Variants in PCDHGB5 observed in about 807,000 individuals in gnomAD.
PCDHGB5 encodes the protein protocadherin gamma subfamily B, 5, also known as protocadherin gamma-B5.
A neutral mutation model predicts 62.9 loss-of-function variants in PCDHGB5; 48 were observed. The observed-to-expected ratio is 0.76, with a 90% CI of 0.61 to 0.97. The LOEUF is 0.97. PCDHGB5 is among the 50% of genes least tolerant of loss of function. The pLI, the probability that PCDHGB5 is intolerant of heterozygous loss-of-function variation, is 0.00. For synonymous variants in PCDHGB5, 474 were observed against 511.2 expected (o/e 0.93, Z 0.98); for missense variants, 1,118 against 1,198.6 (o/e 0.93, Z 0.99).
intron 1 of PCDHGB5, among the ~76,000 whole-genome samples, chr5:141,455,408 G>A (rs1024760282): frequency 6.6e-6 from 1 of 152,150 alleles, no homozygotes; most frequent in Non-Finnish European, 1.5e-5. Context: ...TACAGAGACA[G>A]AGGGAGCGGG....
intron 2 of PCDHGB5, among the ~76,000 whole-genome samples, chr5:141,503,682 G>A (rs1430771639): frequency 1.3e-5 from 2 of 151,974 alleles, no homozygotes; most frequent in South Asian, 4.1e-4. Flanking sequence ...CTTTTGGGAA[G>A]GAGAATTGAG....
At chr5:141,419,472 G>T in intron 1 of PCDHGB5, 1 of 1,612,328 alleles carries the variant, frequency 6.2e-7, no homozygotes, top group South Asian at 1.1e-5. Flanking sequence ...CGCGACCAGG[G>T]CTCGCCCGCG....
chr5:141,464,640 C>T (rs1482089475), intron 1 of PCDHGB5, among the ~76,000 whole-genome samples: 2 of 151,952 alleles, frequency 1.3e-5, no homozygotes, highest in Admixed American at 6.6e-5. Context: ...TTGTTGCCAA[C>T]CTGATGGGTA....
chr5:141,477,379 A>C lies in PCDHGB5; in HGVS notation c.2398-17428A>C, dbSNP rs1293075706. The stretch of plus-strand genomic sequence containing the variant: ...CAGACCTGGATCGGGAGACTGTGCC[A>C]GAATACAACCTCAGCATCACCGCCC... On this transcript the variant is annotated intron_variant, in intron 1 of 3. Transcript: ENST00000617380. This position sits in a 1 kb window ranked among gnomAD's most constrained non-coding sequence, Gnocchi z 4.9. 2 of 1,614,184 alleles carry C rather than the reference A, an allele frequency of 1.2e-6. No homozygotes were observed. Among genetic ancestry groups the C allele is most frequent in the Non-Finnish European group, 1.7e-6 (2 of 1,180,034 alleles).
intron 2 of PCDHGB5, among the ~76,000 whole-genome samples, chr5:141,504,782 G>A (rs2099841011): frequency 6.6e-6 from 1 of 151,926 alleles, no homozygotes; most frequent in Non-Finnish European, 1.5e-5. Context: ...AGGGTCTCTT[G>A]GGGCCTCCTA....
In PCDHGB5 at chr5:141,490,506, C is replaced by T. The variant is rs967095367; in HGVS notation, c.2398-4301C>T. ...GGGAGGCCACATCCCACTATATCAT[C>T]GAGCTGCTGGCCAGCGATGCTGGTT... is the stretch of plus-strand genomic sequence containing the variant. On this transcript the variant is annotated intron_variant, in intron 1 of 3. Transcript: ENST00000617380. This position sits in a 1 kb window ranked among gnomAD's most constrained non-coding sequence, Gnocchi z 5.4. The T allele has an allele frequency of 1.2e-5, 19 of 1,614,116 alleles. No homozygotes were observed. The highest frequency in any genetic ancestry group is 2.2e-5 in the South Asian group (2 of 91,088).
chr5:141,448,795 A>T (rs577803435), intron 1 of PCDHGB5, among the ~76,000 whole-genome samples: 1 of 152,086 alleles, frequency 6.6e-6, no homozygotes, highest in African/African-American at 2.4e-5. Context: ...AAAAAAAAAA[A>T]TTAGCCAGGC....
chr5:141,482,126 A>G (rs1235540230), intron 1 of PCDHGB5, among the ~76,000 whole-genome samples: 1 of 152,004 alleles, frequency 6.6e-6, no homozygotes, highest in Non-Finnish European at 1.5e-5. Flanking sequence ...TGGGAGAATC[A>G]TATGGCTGGC....
Position 141,463,438 on chromosome 5 carries a change from CTTTTTTTTT to C in PCDHGB5, c.2398-31349_2398-31341del, listed in dbSNP as rs71576115. 5.5e-3 allele frequency among the ~76,000 whole-genome samples: 572 copies of C among 103,208 alleles called. 4 individuals carry two copies. The highest frequency in any genetic ancestry group is 8.7e-3 in the Non-Finnish European group (462 of 53,292). The allele number at this position is 103,208 out of a possible 152,430, so 67.7% of individuals were successfully genotyped here. On this transcript the variant is annotated intron_variant, in intron 1 of 3. Transcript: ENST00000617380. ...GTTTGCGGATCCTCATTTCCTTCTC[CTTTTTTTTT>C]TTTTTTTTTTTTTTTTTTTGAGATG...
chr5:141,457,504 A>G (rs2098922754), intron 1 of PCDHGB5, among the ~76,000 whole-genome samples: 1 of 152,222 alleles, frequency 6.6e-6, no homozygotes, highest in Non-Finnish European at 1.5e-5. Context: ...GTAGGCAAAA[A>G]GCTTAAAAAC....
chr5:141,405,164 T>C, intron 1 of PCDHGB5: 1 of 1,614,076 alleles, frequency 6.2e-7, no homozygotes, highest in East Asian at 2.2e-5. Flanking sequence ...TGTGCCCACC[T>C]CACACTTTGT....
At chr5:141,428,204 C>T (rs756271858) in intron 1 of PCDHGB5, 23 of 1,324,604 alleles carry the variant, frequency 1.7e-5, no homozygotes, top group Admixed American at 5.5e-5. Flanking sequence ...TGCGCCGCTA[C>T]GCTTCACCTA....
Position 141,407,977 on chromosome 5 carries a change from G to T in PCDHGB5, c.2397+7453G>T, listed in dbSNP as rs943554200. ...GTGCAGAGCAAGCGCTGACGCCGGG[G>T]ATCCGTCAGCCTCTGGCCTGGGATT... On this transcript the variant is annotated intron_variant, in intron 1 of 3. Coordinates refer to ENST00000617380, the MANE Select transcript of PCDHGB5 (RefSeq NM_018925.3). 65 of 747,656 alleles carry T rather than the reference G, an allele frequency of 8.7e-5. No individual in the cohort carries two copies. The African/African-American group carries it at 1.0e-3, about 12-fold the overall frequency. The allele number at this position is 747,656 out of a possible 1,614,324, so 46.3% of individuals were successfully genotyped here. A position where few individuals can be genotyped will look rare whatever the true frequency, so the allele number is the denominator to read the frequency against.
Position 141,431,919 on chromosome 5 carries a change from A to C in PCDHGB5, c.2397+31395A>C, listed in dbSNP as rs2097428718. The C allele has an allele frequency of 7.4e-6, 12 of 1,614,040 alleles. No individual in the cohort carries two copies. Among genetic ancestry groups the C allele is most frequent in the Non-Finnish European group, 1.0e-5 (12 of 1,179,980 alleles). On this transcript the variant is annotated intron_variant, in intron 1 of 3. Transcript: ENST00000617380. This position sits in a 1 kb window ranked among gnomAD's most constrained non-coding sequence, Gnocchi z 4.8. ...AACGGACAGGTGATCTGTTTCATCC[A>C]AGGAAATCTGCCCTTTAAATTAGAA... is the stretch of plus-strand genomic sequence containing the variant.
intron 1 of PCDHGB5, chr5:141,426,510 T>C: frequency 2.9e-6 from 1 of 342,914 alleles, no homozygotes; most frequent in Non-Finnish European, 5.8e-6. Context: ...AACAATACTT[T>C]ACCGTGAACA....
At position 141,400,514 on chromosome 5, in the gene PCDHGB5, A is replaced by T; in HGVS notation, c.2387A>T (p.His796Leu). The stretch of plus-strand genomic sequence containing the variant: ...TGTAATTCCAGCGAGTCGACTTCCC[A>T]TCCTGAGTTGGTGAGTTTCATTTAT... ...PLCNSSESTS[H>L]PELQAPPNTD... is the part of the protein sequence containing the mutation. Residue 796 changes from histidine (H) to leucine (L), a missense_variant, in exon 1 of 4, where the codon CAT becomes CTT. Physicochemically the swap from His to Leu is moderately conservative, Grantham distance 99 (BLOSUM62 -3). Around this residue, in one of 2 missense-constraint regions of PCDHGB5, gnomAD observed 1,034 missense variants for 1,029.1 expected, o/e 1.00. Transcript: ENST00000617380. The T allele has an allele frequency of 6.2e-7, 1 of 1,613,950 alleles. No homozygotes were observed. The highest frequency in any genetic ancestry group is 1.1e-5 in the South Asian group (1 of 91,082).
intron 1 of PCDHGB5, among the ~76,000 whole-genome samples, chr5:141,494,529 G>C (rs952931724): frequency 1.3e-5 from 2 of 152,132 alleles, no homozygotes; most frequent in African/African-American, 4.8e-5. Flanking sequence ...TCTGACTCTG[G>C]GGGCAGGGAG....
intron 1 of PCDHGB5, among the ~76,000 whole-genome samples, chr5:141,448,117 A>G (rs564444141): frequency 6.6e-6 from 1 of 152,094 alleles, no homozygotes; most frequent in Non-Finnish European, 1.5e-5. Flanking sequence ...AAAGAAAATT[A>G]GCCTCCCCCA....
chr5:141,489,427 C>G lies in PCDHGB5; in HGVS notation c.2398-5380C>G, dbSNP rs370540900. ...AAAGATGACAGATCTGTTGAGCCGG[C>G]GGCTGCAATTGGGCTCTGAGGAGAA... On this transcript the variant is annotated intron_variant, in intron 1 of 3. Transcript: ENST00000617380. The surrounding 1 kb of genome is among the most constrained non-coding windows in gnomAD (Gnocchi z 4.5). 6.2e-7 allele frequency: 1 copy of G among 1,614,108 alleles called. No homozygotes were observed. Among genetic ancestry groups the G allele is most frequent in the South Asian group, 1.1e-5 (1 of 91,086 alleles).
Sources: gnomAD v4.1 joint callset for allele counts (sites outside exome capture counted in the v4.1 genomes callset) on GRCh38, gnomAD v4.1.1 for gene constraint, gnomAD v4.1.1 regional missense constraint, Gnocchi (gnomAD v3.1) non-coding constraint, MANE v1.5 for transcripts, NCBI Gene and HGNC (gene_info 2026-07-23, HGNC 2026-07-21) for gene names.